Variants in CADM2 observed in about 807,000 individuals in gnomAD.
The protein encoded by CADM2 is immunoglobulin superfamily member 4D.
A neutral mutation model predicts 49.8 loss-of-function variants in CADM2; 12 were observed. That is an observed-to-expected ratio of 0.24 (90% CI 0.15 to 0.39). CADM2 has a LOEUF of 0.39. Among genes scored for constraint, CADM2 ranks in the 10% least tolerant of loss-of-function variants. CADM2 has a pLI of 1.00. For missense variants in CADM2, 378 were observed against 492.3 expected, an observed-to-expected ratio of 0.77 and a Z score of 2.20; for synonymous variants, 214 against 175.4, an observed-to-expected ratio of 1.22 and a Z score of -1.74.
intron 1 of CADM2, among the ~76,000 whole-genome samples, chr3:85,489,687 A>C (rs2107643699): frequency 7.4e-6 from 1 of 134,752 alleles, no homozygotes; most frequent in Non-Finnish European, 1.6e-5. Flanking sequence ...AAACGAAACA[A>C]AAAAAAAACA....
chr3:84,970,067 T>TTC (rs869106505), intron 1 of CADM2, among the ~76,000 whole-genome samples: 11 of 145,810 alleles, frequency 7.5e-5, no homozygotes, highest in Non-Finnish European at 1.4e-4. Context: ...TTTTTTTTTT[T>TTC]ACTGCCAAGC....
chr3:85,928,228 G>T (rs180700097), intron 6 of CADM2, among the ~76,000 whole-genome samples: 3 of 149,832 alleles, frequency 2.0e-5, no homozygotes, highest in Non-Finnish European at 4.4e-5. Flanking sequence ...GCACGATCTC[G>T]GCTCACTGTA....
At chr3:85,101,090 C>T (rs985948914) in intron 1 of CADM2, among the ~76,000 whole-genome samples, 15 of 152,170 alleles carry the variant, frequency 9.9e-5, no homozygotes, top group African/African-American at 3.6e-4. Flanking sequence ...CCTATCTCTA[C>T]TAAAAATAGA....
chr3:85,741,018 A>G (rs754580713), intron 2 of CADM2, among the ~76,000 whole-genome samples: 11 of 152,166 alleles, frequency 7.2e-5, no homozygotes, highest in Non-Finnish European at 1.5e-4. Context: ...AGGCACTTTT[A>G]TGTTTCCAAG....
At chr3:85,349,775 G>A (rs1300712452) in intron 1 of CADM2, among the ~76,000 whole-genome samples, 1 of 152,124 alleles carries the variant, frequency 6.6e-6, no homozygotes, top group Non-Finnish European at 1.5e-5. Flanking sequence ...ACAGTGTCTT[G>A]GACTAGGGAA....
chr3:85,596,030 T>A (rs926303478), intron 1 of CADM2, among the ~76,000 whole-genome samples: 10 of 152,094 alleles, frequency 6.6e-5, no homozygotes, highest in Admixed American at 3.3e-4. Context: ...GTTTTGCTAC[T>A]ATTTAAATTA....
intron 1 of CADM2, among the ~76,000 whole-genome samples, chr3:85,156,381 G>A (rs1187595235): frequency 6.6e-6 from 1 of 152,080 alleles, no homozygotes; most frequent in East Asian, 1.9e-4. Context: ...TAGAAGAAAT[G>A]GATAAATTCC....
At chr3:85,199,634 G>A in intron 1 of CADM2, among the ~76,000 whole-genome samples, 1 of 151,842 alleles carries the variant, frequency 6.6e-6, no homozygotes, top group African/African-American at 2.4e-5. Flanking sequence ...TATATGTAAT[G>A]GAAGTATTGA....
chr3:85,936,942 GTACATTTGTA>G (rs939147669), intron 7 of CADM2, among the ~76,000 whole-genome samples: 84 of 151,830 alleles, frequency 5.5e-4, no homozygotes, highest in African/African-American at 2.0e-3. Flanking sequence ...TTATCCAAAA[GTACATTTGTA>G]TACATTTGGA....
rs183365212 is a variant in CADM2, at chr3:85,858,384, G to A, written c.239-24907G>A. Among the ~76,000 whole-genome samples the A allele has an allele frequency of 8.3e-3, 1,268 of 152,300 alleles. 16 individuals are homozygous for A. The highest frequency in any genetic ancestry group is 0.031 in the Middle Eastern group (9 of 294). On this transcript the variant is annotated intron_variant, in intron 3 of 9. Transcript: ENST00000383699. ...AACATCCATTATCATTCAGACACAA[G>A]CACTTCAGTGAGAAAACTAATGGGC... is the stretch of plus-strand genomic sequence containing the variant.
At chr3:86,041,677 C>G (rs1735960675) in intron 8 of CADM2, among the ~76,000 whole-genome samples, 1 of 152,140 alleles carries the variant, frequency 6.6e-6, no homozygotes, top group Non-Finnish European at 1.5e-5. Flanking sequence ...GATCAACAGA[C>G]AGAAAGTTAA....
At chr3:85,719,394 C>T (rs535084733) in intron 1 of CADM2, among the ~76,000 whole-genome samples, 67 of 152,220 alleles carry the variant, frequency 4.4e-4, no homozygotes, top group African/African-American at 1.6e-3. Flanking sequence ...GTCAAAAATT[C>T]AAGGAAAACT....
intron 1 of CADM2, among the ~76,000 whole-genome samples, chr3:84,969,865 T>C (rs1181010882): frequency 6.6e-6 from 1 of 151,964 alleles, no homozygotes; most frequent in Non-Finnish European, 1.5e-5. Context: ...ATCTTTAATC[T>C]ACTTTCTAAA....
intron 1 of CADM2, among the ~76,000 whole-genome samples, chr3:85,322,201 T>C (rs1473059870): frequency 6.6e-6 from 1 of 152,196 alleles, no homozygotes; most frequent in Non-Finnish European, 1.5e-5. Flanking sequence ...AGTAGAAGAA[T>C]ATATTCAATG....
At chr3:86,014,352 G>T in intron 8 of CADM2, 2 of 1,413,376 alleles carry the variant, frequency 1.4e-6, no homozygotes, top group Non-Finnish European at 1.9e-6. Flanking sequence ...GCAAACCTCT[G>T]ATGTCTTATT....
intron 6 of CADM2, among the ~76,000 whole-genome samples, chr3:85,919,407 A>T (rs891803987): frequency 2.0e-5 from 3 of 152,002 alleles, no homozygotes; most frequent in South Asian, 2.1e-4. Flanking sequence ...AGGAGGAAGG[A>T]TGAGAGGAAA....
At chr3:84,976,936 G>A (rs2031859140) in intron 1 of CADM2, among the ~76,000 whole-genome samples, 1 of 151,782 alleles carries the variant, frequency 6.6e-6, no homozygotes, top group Non-Finnish European at 1.5e-5. Context: ...ATCTAAAGGT[G>A]TTTTTTACTG....
At chr3:85,961,690 A>G (rs1457519168) in intron 8 of CADM2, 43 bp downstream of exon 8, 1 of 1,388,612 alleles carries the variant, frequency 7.2e-7, no homozygotes, top group Non-Finnish European at 9.7e-7. Flanking sequence ...AGGATGCATA[A>G]CTTGAAAAAC....
At chr3:86,009,547 A>G (rs1004423237) in intron 8 of CADM2, among the ~76,000 whole-genome samples, 1 of 151,868 alleles carries the variant, frequency 6.6e-6, no homozygotes, top group Admixed American at 6.6e-5. Flanking sequence ...CAATAGTTAT[A>G]TAACATATTT....
Sources: allele counts gnomAD v4.1 joint callset (sites outside exome capture counted in the v4.1 genomes callset), GRCh38; gene constraint gnomAD v4.1.1; transcripts MANE v1.5; gene names NCBI Gene and HGNC (gene_info 2026-07-23, HGNC 2026-07-21).